Variants in KIFAP3 observed in about 807,000 individuals in gnomAD.
The protein encoded by KIFAP3 is kinesin-associated protein 3.
Under a neutral mutation model 106.5 loss-of-function variants are expected in KIFAP3, and 68 were observed. The ratio of observed to expected loss-of-function variants is 0.64; its 90% CI spans 0.53 to 0.78. The LOEUF is 0.78. Among genes scored for constraint, KIFAP3 ranks in the 30% least tolerant of loss-of-function variants. KIFAP3 has a pLI of 0.00. For synonymous variants in KIFAP3, 320 were observed against 311.5 expected, an observed-to-expected ratio of 1.03 and a Z score of -0.29; for missense variants, 780 against 941.8, an observed-to-expected ratio of 0.83 and a Z score of 2.25.
At chr1:170,006,641 C>T (rs571896815) in intron 10 of KIFAP3, among the ~76,000 whole-genome samples, 34 of 152,106 alleles carry the variant, frequency 2.2e-4, no homozygotes, top group Non-Finnish European at 4.7e-4. Flanking sequence ...GATAACTCTG[C>T]CAGTTTTGGT....
intron 1 of KIFAP3, among the ~76,000 whole-genome samples, chr1:170,084,631 A>G (rs1358373185): frequency 6.6e-6 from 1 of 152,182 alleles, no homozygotes; most frequent in Non-Finnish European, 1.5e-5. Flanking sequence ...CATAACAGGG[A>G]TATTATAGAG....
chr1:169,983,255 C>A lies in KIFAP3; in HGVS notation c.1506+15G>T. The A allele has an allele frequency of 1.3e-6, 2 of 1,483,218 alleles. No homozygotes were observed. The highest frequency in any genetic ancestry group is 1.9e-6 in the Non-Finnish European group (2 of 1,073,606). The allele number at this position is 1,483,218 out of a possible 1,614,324, so 91.9% of individuals were successfully genotyped here. ...TTCCCAGTCTATTTGAATAGAAAGC[C>A]AAAATGATACTTACAATAAACAGAT... is the stretch of plus-strand genomic sequence containing the variant. On this transcript the variant is annotated intron_variant, in intron 13 of 19. Coordinates refer to ENST00000361580, the MANE Select transcript of KIFAP3 (RefSeq NM_014970.4).
chr1:169,943,705 ACTTT>A (rs565275102), intron 19 of KIFAP3, among the ~76,000 whole-genome samples: 72 of 152,298 alleles, frequency 4.7e-4, no homozygotes, highest in Middle Eastern at 3.4e-3. Flanking sequence ...TTGCTTAAAG[ACTTT>A]CTTTCTTTCC....
rs1365829222 is a variant in KIFAP3 at position 170,074,676 on chromosome 1, A to C, written c.-209T>G. The C allele has an allele frequency of 1.4e-6, 2 of 1,425,448 alleles. No individual in the cohort carries two copies. The highest frequency in any genetic ancestry group is 1.8e-6 in the Non-Finnish European group (2 of 1,090,046). 88.3% of individuals were successfully genotyped at this position (1,425,448 alleles called of 1,614,324 possible). A position where few individuals can be genotyped will look rare whatever the true frequency, so the allele number is the denominator to read the frequency against. On this transcript the variant is annotated 5_prime_UTR_variant, in exon 1 of 20. Coordinates refer to ENST00000361580, the MANE Select transcript of KIFAP3 (RefSeq NM_014970.4). ...GTGCCCCAAAACACTGGAGCGGCCCAGACCCGCCCAGAGTCGCCTAAGCCG... is the reference window on the plus strand; with the variant it reads ...GTGCCCCAAAACACTGGAGCGGCCCCGACCCGCCCAGAGTCGCCTAAGCCG...
At chr1:169,921,870 G>T in intron 19 of KIFAP3, 89 bp from the exon 20 acceptor site, 1 of 929,032 alleles carries the variant, frequency 1.1e-6, no homozygotes, top group East Asian at 2.6e-5. Flanking sequence ...ATACCACCAA[G>T]ATTCTCTTCC....
intron 1 of KIFAP3, among the ~76,000 whole-genome samples, chr1:170,063,400 C>A (rs183750761): frequency 6.6e-6 from 1 of 152,168 alleles, no homozygotes; most frequent in Non-Finnish European, 1.5e-5. Flanking sequence ...GGAACTGACT[C>A]AGCACAAGAA....
At chr1:169,978,022 C>T in intron 16 of KIFAP3, 63 bp downstream of exon 16, 4 of 1,011,784 alleles carry the variant, frequency 4.0e-6, no homozygotes, top group Admixed American at 4.5e-5. Context: ...AAAAACAACT[C>T]AAAGATGCAT....
intron 4 of KIFAP3, 138 bp downstream of exon 4, chr1:170,039,095 A>T: frequency 2.1e-6 from 1 of 470,438 alleles, no homozygotes; most frequent in Non-Finnish European, 3.8e-6. Flanking sequence ...ATGATTTTCT[A>T]CCTTTTCAGG....
intron 19 of KIFAP3, among the ~76,000 whole-genome samples, chr1:169,924,382 T>C (rs57813710): frequency 0.014 from 2,163 of 152,276 alleles, 48 homozygotes; most frequent in African/African-American, 0.049. Context: ...TATACAAATA[T>C]CGTTTTGGAA....
rs771210286 is a variant in KIFAP3, at chr1:170,024,519, T to C, written c.919A>G (p.Met307Val). The C allele has an allele frequency of 4.4e-6, 7 of 1,607,666 alleles. No individual in the cohort carries two copies. The highest frequency in any genetic ancestry group is 1.7e-5 in the Admixed American group (1 of 59,372). ...LKMRNKNIVHMLVKALDRDNF... is the reference protein window; with the variant it reads ...LKMRNKNIVHVLVKALDRDNF... ...TCCCGATCAAGGGCTTTCACCAACATGTGAACTATGTTCTTGTTCCTCATT... is the reference window on the plus strand; with the variant it reads ...TCCCGATCAAGGGCTTTCACCAACACGTGAACTATGTTCTTGTTCCTCATT... The change falls in exon 9 of 20, where the codon ATG becomes GTG. Residue 307 changes from methionine (M) to valine (V), a missense_variant. By Grantham distance (21) the Met-to-Val change is conservative. Coordinates refer to ENST00000361580, the MANE Select transcript of KIFAP3 (RefSeq NM_014970.4).
intron 18 of KIFAP3, among the ~76,000 whole-genome samples, chr1:169,959,569 GGT>G (rs1665205834): frequency 6.6e-6 from 1 of 151,958 alleles, no homozygotes; most frequent in Non-Finnish European, 1.5e-5. Context: ...CACTTTAAGA[GGT>G]TAATTTAAAT....
chr1:170,020,337 A>G (rs924774335), intron 9 of KIFAP3, among the ~76,000 whole-genome samples: 2 of 149,856 alleles, frequency 1.3e-5, no homozygotes, highest in Non-Finnish European at 2.9e-5. Flanking sequence ...CTTGATTTCA[A>G]TACTTACTAA....
intron 12 of KIFAP3, 42 bp downstream of exon 12, chr1:169,984,540 T>C: frequency 3.5e-6 from 3 of 855,204 alleles, no homozygotes; most frequent in Non-Finnish European, 5.8e-6. Flanking sequence ...ATATACCAAA[T>C]ACCATATGCT....
chr1:169,949,004 T>A (rs1211942296), intron 19 of KIFAP3, among the ~76,000 whole-genome samples: 1 of 151,994 alleles, frequency 6.6e-6, no homozygotes, highest in Non-Finnish European at 1.5e-5. Context: ...TTTTTTTATA[T>A]GTAGAATTCT....
At chr1:170,029,534 T>C in intron 8 of KIFAP3, among the ~76,000 whole-genome samples, 1 of 151,960 alleles carries the variant, frequency 6.6e-6, no homozygotes, top group East Asian at 1.9e-4. Flanking sequence ...TAGCACTAAA[T>C]ATCTGTATTT....
At chr1:169,949,316 T>C (rs900163831) in intron 19 of KIFAP3, among the ~76,000 whole-genome samples, 3 of 152,086 alleles carry the variant, frequency 2.0e-5, no homozygotes, top group African/African-American at 7.2e-5. Context: ...TGCATACATC[T>C]AGTTTGTCTT....
chr1:169,972,611 G>A lies in KIFAP3; in HGVS notation c.1898-13C>T, dbSNP rs1162026743. The A allele has an allele frequency of 2.2e-6, 3 of 1,379,820 alleles. No individual in the cohort carries two copies. The highest frequency in any genetic ancestry group is 1.9e-5 in the Admixed American group (1 of 53,410). The allele number at this position is 1,379,820 out of a possible 1,614,324, so 85.5% of individuals were successfully genotyped here. On this transcript the variant is annotated splice_polypyrimidine_tract_variant and intron_variant, in intron 16 of 19. Coordinates refer to ENST00000361580, the MANE Select transcript of KIFAP3 (RefSeq NM_014970.4). The stretch of plus-strand genomic sequence containing the variant: ...TATGCTGGAGCCTCTGAATAAAAAT[G>A]GTTAAAGAAACAAACTACATTTGAT...
At chr1:169,980,622 C>T (rs781531271) in intron 15 of KIFAP3, among the ~76,000 whole-genome samples, 2 of 152,136 alleles carry the variant, frequency 1.3e-5, no homozygotes, top group African/African-American at 2.4e-5. Flanking sequence ...ATGTGTTGGA[C>T]ACCACATATA....
chr1:170,049,470 A>C (rs967551493), intron 2 of KIFAP3, among the ~76,000 whole-genome samples: 27 of 152,226 alleles, frequency 1.8e-4, no homozygotes, highest in Non-Finnish European at 3.7e-4. Flanking sequence ...CTCCCAGCAC[A>C]GCACACCAGC....
Sources: gnomAD v4.1 joint callset for allele counts (sites outside exome capture counted in the v4.1 genomes callset) on GRCh38, gnomAD v4.1.1 for gene constraint, MANE v1.5 for transcripts, NCBI Gene and HGNC (gene_info 2026-07-23, HGNC 2026-07-21) for gene names.